Variants in TBC1D15 observed in about 807,000 individuals in gnomAD.
TBC1D15 encodes the protein TBC1 domain family member 15.
TBC1D15 carries 39 observed loss-of-function variants against 95.4 expected under a neutral mutation model. The ratio of observed to expected loss-of-function variants is 0.41; its 90% CI spans 0.32 to 0.53. The LOEUF is 0.53. Ranked by LOEUF, TBC1D15 falls within the 20% of genes least tolerant of loss-of-function variation. The pLI is 0.29. For missense variants in TBC1D15, 733 were observed against 794.3 expected (o/e 0.92, Z 0.93); for synonymous variants, 258 against 261.3 (o/e 0.99, Z 0.12).
At chr12:71,857,130 G>A (rs1302097017) in intron 1 of TBC1D15, among the ~76,000 whole-genome samples, 1 of 151,630 alleles carries the variant, frequency 6.6e-6, no homozygotes, top group Middle Eastern at 3.4e-3. Context: ...TAAGAGATGG[G>A]GGTGGGGGGG....
chr12:71,918,759 G>A (rs1363390589), intron 14 of TBC1D15, among the ~76,000 whole-genome samples: 1 of 152,134 alleles, frequency 6.6e-6, no homozygotes, highest in Non-Finnish European at 1.5e-5. Flanking sequence ...CACAATCTCT[G>A]TGAGATTTGG....
At chr12:71,890,389 C>T (rs185329224) in intron 5 of TBC1D15, among the ~76,000 whole-genome samples, 1 of 152,228 alleles carries the variant, frequency 6.6e-6, no homozygotes, top group Admixed American at 6.5e-5. Context: ...AGTGGTCACC[C>T]CTCCTGTCTT....
At chr12:71,906,931 A>G in intron 10 of TBC1D15, 91 bp from the exon 11 acceptor site, 1 of 658,146 alleles carries the variant, frequency 1.5e-6, no homozygotes, top group Non-Finnish European at 2.4e-6. Context: ...AATTAATAGC[A>G]AGAAAAATGA....
chr12:71,864,789 G>A lies in TBC1D15; in HGVS notation c.31-7281G>A, dbSNP rs569593279. On this transcript the variant is annotated intron_variant, in intron 1 of 16. Coordinates refer to ENST00000485960, the MANE Select transcript of TBC1D15 (RefSeq NM_001146213.3). ...CAAACTGCTGGGATTACAGGCGTGAGCCACCGTGCCCGGCCTACCTACAGT... is the reference window on the plus strand; with the variant it reads ...CAAACTGCTGGGATTACAGGCGTGAACCACCGTGCCCGGCCTACCTACAGT... Among the ~76,000 whole-genome samples the A allele has an allele frequency of 4.6e-5, 7 of 152,356 alleles. No homozygotes were observed. In the East Asian group the frequency reaches 9.6e-4, roughly 21 times the overall value.
At position 71,862,011 on chromosome 12, in the gene TBC1D15, A is replaced by G. The variant is rs74490989; in HGVS notation, c.31-10059A>G. ...TTGCAAGTTCTTGTTTCTGATTTCTAGTTTTATTTCATTAGGGTCAGAAAA... is the reference window on the plus strand; with the variant it reads ...TTGCAAGTTCTTGTTTCTGATTTCTGGTTTTATTTCATTAGGGTCAGAAAA... On this transcript the variant is annotated intron_variant, in intron 1 of 16. Coordinates refer to ENST00000485960, the MANE Select transcript of TBC1D15 (RefSeq NM_001146213.3). 9.1e-4 allele frequency among the ~76,000 whole-genome samples: 138 copies of G among 151,990 alleles called. 1 individual carries two copies. In the East Asian group the frequency reaches 0.02, roughly 22 times the overall value.
At chr12:71,888,098 G>C (rs1270181186) in intron 5 of TBC1D15, among the ~76,000 whole-genome samples, 1 of 152,220 alleles carries the variant, frequency 6.6e-6, no homozygotes, top group African/African-American at 2.4e-5. Flanking sequence ...AGGGGTATAT[G>C]TATCTTGAAT....
chr12:71,874,404 G>C (rs1212306677), intron 3 of TBC1D15, among the ~76,000 whole-genome samples: 1 of 152,126 alleles, frequency 6.6e-6, no homozygotes, highest in Non-Finnish European at 1.5e-5. Flanking sequence ...TTTGGTATCT[G>C]TGGGGTATTG....
At chr12:71,852,329 G>A (rs752538180) in intron 1 of TBC1D15, among the ~76,000 whole-genome samples, 10 of 152,210 alleles carry the variant, frequency 6.6e-5, no homozygotes, top group African/African-American at 1.4e-4. Flanking sequence ...CCTCCTATGC[G>A]TTGGTCCTGT....
At chr12:71,906,960 T>G (rs1900879034) in intron 10 of TBC1D15, 62 bp from the exon 11 acceptor site, 4 of 1,055,052 alleles carry the variant, frequency 3.8e-6, no homozygotes, top group Non-Finnish European at 2.8e-6. Context: ...TTGTAAGATG[T>G]GAGCTTTATC....
intron 15 of TBC1D15, 118 bp from the exon 16 acceptor site, chr12:71,921,250 G>A (rs1055559190): frequency 4.7e-5 from 22 of 467,310 alleles, no homozygotes; most frequent in African/African-American, 4.2e-4. Flanking sequence ...GTATATGAAT[G>A]TTTTTATTTT....
intron 14 of TBC1D15, 113 bp from the exon 15 acceptor site, chr12:71,920,618 A>C: frequency 1.2e-6 from 1 of 834,730 alleles, no homozygotes; most frequent in Non-Finnish European, 2.0e-6. Context: ...GGGCTACCCT[A>C]AACAGGCAAC....
intron 2 of TBC1D15, among the ~76,000 whole-genome samples, chr12:71,872,442 C>T (rs1892892851): frequency 6.6e-6 from 1 of 152,126 alleles, no homozygotes; most frequent in South Asian, 2.1e-4. Flanking sequence ...GCTTAATTTC[C>T]TTAAACGTGC....
At chr12:71,869,829 A>T (rs1413962268) in intron 1 of TBC1D15, among the ~76,000 whole-genome samples, 1 of 152,114 alleles carries the variant, frequency 6.6e-6, no homozygotes, top group Non-Finnish European at 1.5e-5. Flanking sequence ...TTTAGTTTAT[A>T]CTTCTGGACT....
chr12:71,839,916 G>A, intron 1 of TBC1D15, 105 bp downstream of exon 1: 1 of 1,420,148 alleles, frequency 7.0e-7, no homozygotes, highest in Non-Finnish European at 9.8e-7. Flanking sequence ...TTCTGTGTCC[G>A]GACAACCCGT....
At chr12:71,907,784 T>G (rs1901121607) in intron 11 of TBC1D15, 1 of 152,202 alleles carries the variant, frequency 6.6e-6, no homozygotes, top group Non-Finnish European at 1.5e-5. Context: ...AAATACTGAT[T>G]TGATATTTTA....
intron 5 of TBC1D15, among the ~76,000 whole-genome samples, chr12:71,886,196 T>G (rs1896185211): frequency 6.6e-6 from 1 of 152,082 alleles, no homozygotes; most frequent in Admixed American, 6.5e-5. Context: ...TAACCTTCCT[T>G]CCTTCCTTCC....
intron 8 of TBC1D15, 49 bp from the exon 9 acceptor site, chr12:71,896,628 G>A: frequency 1.3e-6 from 2 of 1,489,952 alleles, no homozygotes; most frequent in Non-Finnish European, 1.8e-6. Context: ...TGAACTTACA[G>A]TATTACATTC....
Position 71,913,824 on chromosome 12 carries a change from A to G in TBC1D15, c.1301-2A>G. 1 of 1,558,200 alleles carries G rather than the reference A, an allele frequency of 6.4e-7. No homozygotes were observed. The highest frequency in any genetic ancestry group is 8.6e-7 in the Non-Finnish European group (1 of 1,159,560). On this transcript the variant is annotated splice_acceptor_variant, in intron 11 of 16. Coordinates refer to ENST00000485960, the MANE Select transcript of TBC1D15 (RefSeq NM_001146213.3). LOFTEE classifies it high-confidence loss of function. Reference sequence around the variant, plus strand: ...AGAGATGATTTTTTCTTTTCTTTTTAGGATATGTTCAAGGAATGAGTGATT... The same window carrying G: ...AGAGATGATTTTTTCTTTTCTTTTTGGGATATGTTCAAGGAATGAGTGATT...
At chr12:71,875,725 CTGTTA>C (rs1893666023) in intron 3 of TBC1D15, among the ~76,000 whole-genome samples, 1 of 151,898 alleles carries the variant, frequency 6.6e-6, no homozygotes, top group Non-Finnish European at 1.5e-5. Flanking sequence ...ACTTCTAATT[CTGTTA>C]TGTTTTTGTG....
Sources: gnomAD v4.1 joint callset for allele counts (sites outside exome capture counted in the v4.1 genomes callset) on GRCh38, gnomAD v4.1.1 for gene constraint, MANE v1.5 for transcripts, NCBI Gene and HGNC (gene_info 2026-07-23, HGNC 2026-07-21) for gene names.